ARHGAP24: variants seen among roughly 807,000 people sequenced by gnomAD.
ARHGAP24 encodes rho GTPase-activating protein 24.
A neutral mutation model predicts 76.4 loss-of-function variants in ARHGAP24; 50 were observed. The observed-to-expected ratio is 0.65, with a 90% CI of 0.52 to 0.83. The LOEUF is 0.83. ARHGAP24 is among the 40% of genes least tolerant of loss of function. The pLI is 0.00. For missense variants in ARHGAP24, 930 were observed against 914.2 expected, an observed-to-expected ratio of 1.02 and a Z score of -0.22; for synonymous variants, 345 against 323.3, an observed-to-expected ratio of 1.07 and a Z score of -0.72.
intron 1 of ARHGAP24, among the ~76,000 whole-genome samples, chr4:85,487,256 A>G (rs1378367618): frequency 7.9e-6 from 1 of 126,456 alleles, no homozygotes; most frequent in Non-Finnish European, 1.6e-5. Flanking sequence ...ATATATATTT[A>G]TTATATATAA....
chr4:85,597,179 T>G (rs2109985328), intron 2 of ARHGAP24, among the ~76,000 whole-genome samples: 1 of 152,258 alleles, frequency 6.6e-6, no homozygotes, highest in Middle Eastern at 3.4e-3. Context: ...TTAGAAAGTA[T>G]TCTTTAACCA....
chr4:85,567,382 T>G (rs10011356), intron 1 of ARHGAP24, among the ~76,000 whole-genome samples: 1 of 152,176 alleles, frequency 6.6e-6, no homozygotes, highest in Non-Finnish European at 1.5e-5. Context: ...GGATTTGAAC[T>G]ATTTTTTAGA....
intron 3 of ARHGAP24, among the ~76,000 whole-genome samples, chr4:85,869,699 T>C (rs958822425): frequency 3.3e-5 from 5 of 152,170 alleles, no homozygotes; most frequent in Admixed American, 6.6e-5. Flanking sequence ...TGTTTTTCTT[T>C]TATAGATTAA....
Position 85,484,742 on chromosome 4 carries a change from G to A in ARHGAP24, c.-21+9183G>A, listed in dbSNP as rs187856794. Among the ~76,000 whole-genome samples, 751 of 152,130 alleles carry A rather than the reference G, an allele frequency of 4.9e-3. 6 individuals carry two copies. The highest frequency in any genetic ancestry group is 0.017 in the African/African-American group (709 of 41,510). ...AGCGATTCTCCTGCCGTAGCCTCCC[G>A]AGTAGCTGGGACTATAGGCGTGCAC... On this transcript the variant is annotated intron_variant, in intron 1 of 9. Transcript: ENST00000395184.
chr4:85,524,902 C>G (rs1724920283), intron 1 of ARHGAP24, among the ~76,000 whole-genome samples: 1 of 152,106 alleles, frequency 6.6e-6, no homozygotes, highest in Non-Finnish European at 1.5e-5. Context: ...CAGACTAAAA[C>G]CCAACAAATG....
intron 1 of ARHGAP24, among the ~76,000 whole-genome samples, chr4:85,541,564 T>A (rs1488517173): frequency 6.6e-6 from 1 of 152,030 alleles, no homozygotes; most frequent in Non-Finnish European, 1.5e-5. Context: ...ACATAATTTT[T>A]TGAAAATAAT....
chr4:85,965,113 C>T lies in ARHGAP24; in HGVS notation c.600-6923C>T, dbSNP rs116271160. Among the ~76,000 whole-genome samples, 577 of 152,110 alleles carry T rather than the reference C, an allele frequency of 3.8e-3. 5 individuals carry two copies. Among genetic ancestry groups the T allele is most frequent in the African/African-American group, 0.013 (541 of 41,490 alleles). ...ACTGATAAAGACATACCGGAGACTG[C>T]GCAATTCACAAAAGAAAGAGGTTTC... On this transcript the variant is annotated intron_variant, in intron 5 of 9. Coordinates refer to ENST00000395184, the MANE Select transcript of ARHGAP24 (RefSeq NM_001025616.3).
chr4:85,634,359 A>G (rs1176368829), intron 2 of ARHGAP24, among the ~76,000 whole-genome samples: 2 of 151,882 alleles, frequency 1.3e-5, no homozygotes, highest in Non-Finnish European at 2.9e-5. Context: ...AGATCATGAT[A>G]ATAACAAACA....
At chr4:85,715,814 C>T (rs2110038311) in intron 2 of ARHGAP24, among the ~76,000 whole-genome samples, 1 of 152,052 alleles carries the variant, frequency 6.6e-6, no homozygotes, top group Middle Eastern at 3.4e-3. Context: ...CTTTATTAGC[C>T]TTTCTCACCT....
chr4:85,884,080 T>C (rs1045270146), intron 3 of ARHGAP24, among the ~76,000 whole-genome samples: 1 of 152,228 alleles, frequency 6.6e-6, no homozygotes, highest in African/African-American at 2.4e-5. Flanking sequence ...TGCAGGAATA[T>C]GTAGTTAAAT....
At chr4:85,850,967 C>G (rs345337) in intron 3 of ARHGAP24, among the ~76,000 whole-genome samples, 133,405 of 152,078 alleles carry the variant, frequency 0.88, 59,509 homozygotes, top group Non-Finnish European at 0.97. Flanking sequence ...TATTAGGTCC[C>G]CTTGGTGCAG....
chr4:85,943,196 G>A (rs1374263596), intron 5 of ARHGAP24, among the ~76,000 whole-genome samples: 2 of 152,054 alleles, frequency 1.3e-5, no homozygotes, highest in Non-Finnish European at 2.9e-5. Flanking sequence ...CTCAGCATTG[G>A]AGTTTTTGGA....
At chr4:85,962,706 C>T (rs1442007236) in intron 5 of ARHGAP24, among the ~76,000 whole-genome samples, 1 of 151,374 alleles carries the variant, frequency 6.6e-6, no homozygotes, top group Non-Finnish European at 1.5e-5. Context: ...ACAGAGTAGT[C>T]AGAGAAGGAG....
At chr4:85,663,126 G>C (rs1017549396) in intron 2 of ARHGAP24, among the ~76,000 whole-genome samples, 9 of 151,508 alleles carry the variant, frequency 5.9e-5, no homozygotes, top group Admixed American at 5.3e-4. Flanking sequence ...CCATTTTCAC[G>C]ATATTGATTC....
In ARHGAP24 at chr4:85,939,713, AT is replaced by A. The variant is rs566220168; in HGVS notation, c.392-2352del. 1.4e-3 allele frequency among the ~76,000 whole-genome samples: 216 copies of A among 152,252 alleles called. 2 individuals carry two copies. The highest frequency in any genetic ancestry group is 4.9e-3 in the African/African-American group (204 of 41,554). ...TCCTTGGGTTGTTGGGGAAAAAAAA[AT>A]CCCGAAAGCTTTGAGAAAAGAATGT... On this transcript the variant is annotated intron_variant, in intron 4 of 9. Transcript: ENST00000395184.
chr4:85,613,786 A>G (rs2109998101), intron 2 of ARHGAP24, among the ~76,000 whole-genome samples: 1 of 152,324 alleles, frequency 6.6e-6, no homozygotes, highest in East Asian at 1.9e-4. Flanking sequence ...TATTACTAAT[A>G]CATTAAATGG....
At chr4:85,586,174 A>G (rs979721228) in intron 2 of ARHGAP24, among the ~76,000 whole-genome samples, 5 of 151,942 alleles carry the variant, frequency 3.3e-5, no homozygotes, top group African/African-American at 1.2e-4. Context: ...GCCAATTGCT[A>G]TGGTGAGGCA....
At chr4:85,559,582 T>C (rs1461719781) in intron 1 of ARHGAP24, among the ~76,000 whole-genome samples, 1 of 152,226 alleles carries the variant, frequency 6.6e-6, no homozygotes, top group East Asian at 1.9e-4. Flanking sequence ...CTTTTCTTTG[T>C]GACAGTTTTT....
At chr4:85,827,925 C>T (rs1729801275) in intron 3 of ARHGAP24, 15 of 1,289,720 alleles carry the variant, frequency 1.2e-5, no homozygotes, top group Non-Finnish European at 1.5e-5. Context: ...TCCCAGCTTG[C>T]AAGTGCAGCC....
Sources: allele counts gnomAD v4.1 joint callset (sites outside exome capture counted in the v4.1 genomes callset), GRCh38; gene constraint gnomAD v4.1.1; transcripts MANE v1.5; gene names NCBI Gene and HGNC (gene_info 2026-07-23, HGNC 2026-07-21).